Variants in DPF3 observed in about 807,000 individuals in gnomAD.
DPF3 encodes the protein zinc finger protein DPF3.
DPF3 carries 18 observed loss-of-function variants against 56.8 expected under a neutral mutation model. That is an observed-to-expected ratio of 0.32 (90% CI 0.22 to 0.47). The LOEUF (loss-of-function observed/expected upper bound fraction) is 0.47. Ranked by LOEUF, DPF3 falls within the 20% of genes least tolerant of loss-of-function variation. DPF3 has a pLI of 1.00. For synonymous variants in DPF3, 188 were observed against 180.2 expected, an observed-to-expected ratio of 1.04 and a Z score of -0.35; for missense variants, 403 against 488.8, an observed-to-expected ratio of 0.82 and a Z score of 1.65.
At chr14:72,838,278 G>C (rs2140063204) in intron 1 of DPF3, among the ~76,000 whole-genome samples, 1 of 151,916 alleles carries the variant, frequency 6.6e-6, no homozygotes, top group Middle Eastern at 3.4e-3. Flanking sequence ...CAGATCACTT[G>C]AGGTCAGGAG....
chr14:72,629,796 C>T (rs1885059740), intron 8 of DPF3, 60 bp from the exon 9 acceptor site: 1 of 1,316,868 alleles, frequency 7.6e-7, no homozygotes, highest in Non-Finnish European at 1.1e-6. Context: ...CCCCTCAACA[C>T]CACTCACTGG....
chr14:72,655,558 T>G (rs752816017), intron 8 of DPF3, among the ~76,000 whole-genome samples: 3 of 152,214 alleles, frequency 2.0e-5, no homozygotes, highest in Non-Finnish European at 4.4e-5. Flanking sequence ...CCTTTTGGCC[T>G]TACTGTTCTT....
intron 8 of DPF3, among the ~76,000 whole-genome samples, chr14:72,645,866 A>C (rs1794643945): frequency 1.4e-5 from 2 of 145,752 alleles, no homozygotes; most frequent in Non-Finnish European, 1.5e-5. Flanking sequence ...ACTATCTCTC[A>C]ACTCCCATTC....
chr14:72,711,980 CAT>C (rs1469104257), intron 6 of DPF3, among the ~76,000 whole-genome samples: 4 of 152,016 alleles, frequency 2.6e-5, no homozygotes, highest in Non-Finnish European at 5.9e-5. Context: ...CAAAGGATCA[CAT>C]GTCTGAAGGG....
At chr14:72,811,552 GCCAC>G (rs756685938) in intron 1 of DPF3, among the ~76,000 whole-genome samples, 12 of 152,110 alleles carry the variant, frequency 7.9e-5, no homozygotes, top group Non-Finnish European at 1.2e-4. Context: ...GGCACTTACA[GCCAC>G]CCTAACAAAC....
intron 1 of DPF3, among the ~76,000 whole-genome samples, chr14:72,830,980 G>T (rs748972783): frequency 3.3e-5 from 5 of 152,144 alleles, no homozygotes; most frequent in Non-Finnish European, 7.3e-5. Flanking sequence ...TGTGGAAGCC[G>T]TATCAATCGC....
chr14:72,832,304 A>T (rs182018521), intron 1 of DPF3, among the ~76,000 whole-genome samples: 1,686 of 152,220 alleles, frequency 0.011, 37 homozygotes, highest in African/African-American at 0.038. Flanking sequence ...AAATTTTTTT[A>T]AAAAAATCAC....
intron 2 of DPF3, among the ~76,000 whole-genome samples, chr14:72,770,120 AG>A (rs1292488084): frequency 6.6e-6 from 1 of 152,246 alleles, no homozygotes; most frequent in Admixed American, 6.5e-5. Flanking sequence ...TCAGTAAAAG[AG>A]GTAACCAGAC....
chr14:72,733,832 C>A (rs566957915), intron 3 of DPF3, among the ~76,000 whole-genome samples: 1 of 152,304 alleles, frequency 6.6e-6, no homozygotes, highest in South Asian at 2.1e-4. Context: ...TCTGACCAAT[C>A]CATGAGGAAG....
intron 3 of DPF3, among the ~76,000 whole-genome samples, chr14:72,743,519 T>C (rs1241435250): frequency 6.6e-6 from 1 of 151,648 alleles, no homozygotes; most frequent in Non-Finnish European, 1.5e-5. Flanking sequence ...GATGCTAAAT[T>C]GATCTAAGCA....
intron 3 of DPF3, among the ~76,000 whole-genome samples, chr14:72,732,875 C>CTATT (rs773458377): frequency 2.5e-4 from 38 of 150,922 alleles, no homozygotes; most frequent in Non-Finnish European, 5.0e-4. Context: ...TTTCCATTCT[C>CTATT]TCTTTCTTTC....
At chr14:72,796,257 TC>T (rs35115588) in intron 1 of DPF3, among the ~76,000 whole-genome samples, 18,298 of 152,236 alleles carry the variant, frequency 0.12, 1,418 homozygotes, top group Middle Eastern at 0.31. Flanking sequence ...TGCCTGTAAT[TC>T]CAGAAGGCGG....
Position 72,675,978 on chromosome 14 carries a change from T to C in DPF3, c.743-1610A>G, listed in dbSNP as rs565582462. ...TTTTACTCTGCCTATAAATTTTCATTGCCCAAATCCAGAAGTACCAGAGTC... is the reference window on the plus strand; with the variant it reads ...TTTTACTCTGCCTATAAATTTTCATCGCCCAAATCCAGAAGTACCAGAGTC... On this transcript the variant is annotated intron_variant, in intron 7 of 10. Transcript: ENST00000556509. Among the ~76,000 whole-genome samples the C allele has an allele frequency of 1.6e-3, 251 of 152,358 alleles. 3 individuals are homozygous for C. The highest frequency in any genetic ancestry group is 0.014 in the Middle Eastern group (4 of 294).
intron 7 of DPF3, among the ~76,000 whole-genome samples, chr14:72,685,772 G>A (rs1182985362): frequency 6.6e-6 from 1 of 152,226 alleles, no homozygotes; most frequent in African/African-American, 2.4e-5. Context: ...CACTGTTGCT[G>A]TTTGGTATGT....
chr14:72,677,631 T>C (rs1340900852), intron 7 of DPF3, among the ~76,000 whole-genome samples: 1 of 149,486 alleles, frequency 6.7e-6, no homozygotes, highest in Non-Finnish European at 1.5e-5. Flanking sequence ...TGAGTGACTT[T>C]AGAGAGGGAT....
chr14:72,718,688 C>A (rs1889035665), intron 5 of DPF3, among the ~76,000 whole-genome samples: 1 of 151,744 alleles, frequency 6.6e-6, no homozygotes, highest in African/African-American at 2.4e-5. Context: ...TGGTTATAAC[C>A]TGAATAACAG....
intron 1 of DPF3, among the ~76,000 whole-genome samples, chr14:72,863,058 TTATA>T (rs58405648): frequency 6.9e-4 from 97 of 139,866 alleles, no homozygotes; most frequent in African/African-American, 1.1e-3. Context: ...ATTATTCCAT[TTATA>T]TATATATATA....
chr14:72,756,884 GGAAAGAAAGAAAGAAAAGAAAAAAA>G (rs1890836411), intron 2 of DPF3, among the ~76,000 whole-genome samples: 4 of 47,818 alleles, frequency 8.4e-5, no homozygotes, highest in Non-Finnish European at 3.9e-5. Context: ...AAGGAAAGAA[GGAAAGAAAGAAAGAAAAGAAAAAAA>G]GAAAGAAAGA....
intron 8 of DPF3, among the ~76,000 whole-genome samples, chr14:72,649,553 G>T (rs185191311): frequency 3.3e-5 from 5 of 150,186 alleles, no homozygotes; most frequent in African/African-American, 1.2e-4. Context: ...GAAAGAATAA[G>T]AACTCAGAAA....
Sources: gnomAD v4.1 joint callset for allele counts (sites outside exome capture counted in the v4.1 genomes callset) on GRCh38, gnomAD v4.1.1 for gene constraint, MANE v1.5 for transcripts, NCBI Gene and HGNC (gene_info 2026-07-23, HGNC 2026-07-21) for gene names.